Variants in SGMS1 observed in about 807,000 individuals in gnomAD.
SGMS1 encodes the protein sphingomyelin synthase 1.
A neutral mutation model predicts 46.2 loss-of-function variants in SGMS1; 13 were observed. The ratio of observed to expected loss-of-function variants is 0.28; its 90% CI spans 0.18 to 0.45. SGMS1 has a LOEUF of 0.45. SGMS1 is among the 20% of genes least tolerant of loss of function. The pLI is 1.00. For missense variants in SGMS1, 324 were observed against 519.9 expected, an observed-to-expected ratio of 0.62 and a Z score of 3.66; for synonymous variants, 203 against 187.8, an observed-to-expected ratio of 1.08 and a Z score of -0.66.
At chr10:50,583,730 A>G (rs1424125625) in intron 2 of SGMS1, among the ~76,000 whole-genome samples, 1 of 152,182 alleles carries the variant, frequency 6.6e-6, no homozygotes, top group Non-Finnish European at 1.5e-5. Context: ...TTTTCACTTG[A>G]GACAGTTTGA....
At chr10:50,450,868 A>G (rs1431974451) in intron 5 of SGMS1, among the ~76,000 whole-genome samples, 2 of 151,936 alleles carry the variant, frequency 1.3e-5, no homozygotes, top group African/African-American at 2.4e-5. Flanking sequence ...TATCATTGAT[A>G]TAATATTCAG....
At chr10:50,496,335 A>G (rs1837614920) in intron 3 of SGMS1, among the ~76,000 whole-genome samples, 1 of 152,210 alleles carries the variant, frequency 6.6e-6, no homozygotes, top group African/African-American at 2.4e-5. Context: ...CTGCTGGTCA[A>G]TGGCTGTTCT....
intron 1 of SGMS1, among the ~76,000 whole-genome samples, chr10:50,601,899 T>C (rs953450638): frequency 2.6e-5 from 4 of 152,264 alleles, no homozygotes; most frequent in African/African-American, 4.8e-5. Context: ...GGTAATTTTA[T>C]ATGCGATATT....
Position 50,307,397 on chromosome 10 carries a change from TC to T in SGMS1, c.1063-77del. Reference sequence around the variant, plus strand: ...GTTCAAATACTTGCCACGCTAAAATTCCCAAAGGACTCCATACCTGCCCTGC... The same window carrying T: ...GTTCAAATACTTGCCACGCTAAAATTCCAAAGGACTCCATACCTGCCCTGC... On this transcript the variant is annotated intron_variant, in intron 10 of 10. Coordinates refer to ENST00000361781, the MANE Select transcript of SGMS1 (RefSeq NM_147156.4). This position sits in a 1 kb window ranked among gnomAD's most constrained non-coding sequence, Gnocchi z 4.2. 1 of 1,401,966 alleles carries T rather than the reference TC, an allele frequency of 7.1e-7. No homozygotes were observed. 86.8% of individuals were successfully genotyped at this position (1,401,966 alleles called of 1,614,324 possible). A position where few individuals can be genotyped will look rare whatever the true frequency, so the allele number is the denominator to read the frequency against.
In SGMS1 at chr10:50,357,532, AT is replaced by A. The variant is rs144927636; in HGVS notation, c.-231-13188del. On this transcript the variant is annotated intron_variant, in intron 6 of 10. Transcript: ENST00000361781. ...CTGCAATGCAACGAGACCTGGGGCA[AT>A]TGCTCAGAAAATCTGAATTCTAACA... is the stretch of plus-strand genomic sequence containing the variant. 4.8e-3 allele frequency among the ~76,000 whole-genome samples: 726 copies of A among 152,284 alleles called. 9 individuals carry two copies. Among genetic ancestry groups the A allele is most frequent in the African/African-American group, 0.016 (680 of 41,552 alleles).
intron 2 of SGMS1, among the ~76,000 whole-genome samples, chr10:50,577,537 C>T (rs1479892110): frequency 2.6e-5 from 4 of 152,204 alleles, no homozygotes; most frequent in African/African-American, 9.6e-5. Flanking sequence ...AACCAGGCAT[C>T]TCTGCAGTAC....
chr10:50,355,144 G>GT (rs1361771511), intron 6 of SGMS1, among the ~76,000 whole-genome samples: 15 of 152,254 alleles, frequency 9.9e-5, no homozygotes, highest in Non-Finnish European at 1.8e-4. Flanking sequence ...ACATGCACAT[G>GT]TATGTTTACT....
intron 1 of SGMS1, among the ~76,000 whole-genome samples, chr10:50,613,118 C>T (rs16906646): frequency 4.6e-5 from 7 of 152,136 alleles, no homozygotes; most frequent in African/African-American, 1.7e-4. Context: ...AAATGAAAAC[C>T]TCATGTGGCT....
intron 2 of SGMS1, among the ~76,000 whole-genome samples, chr10:50,565,317 CAT>C (rs916427354): frequency 4.6e-5 from 7 of 152,124 alleles, no homozygotes; most frequent in Admixed American, 1.3e-4. Flanking sequence ...TACAAAATCA[CAT>C]GTGTCATCTA....
At chr10:50,546,354 C>T (rs1159472020) in intron 2 of SGMS1, among the ~76,000 whole-genome samples, 1 of 152,024 alleles carries the variant, frequency 6.6e-6, no homozygotes, top group African/African-American at 2.4e-5. Flanking sequence ...CCATTTGACC[C>T]AGCCATCCCA....
intron 6 of SGMS1, among the ~76,000 whole-genome samples, chr10:50,365,295 A>ATGTTTT: frequency 6.7e-6 from 1 of 148,174 alleles, no homozygotes; most frequent in East Asian, 2.0e-4. Context: ...AATTTAAAGT[A>ATGTTTT]TGTTTTTGGT....
At chr10:50,508,367 T>C (rs1369056761) in intron 3 of SGMS1, among the ~76,000 whole-genome samples, 1 of 152,152 alleles carries the variant, frequency 6.6e-6, no homozygotes, top group Non-Finnish European at 1.5e-5. Context: ...CAGTCAGACA[T>C]TGACTGAATC....
chr10:50,511,092 A>T (rs1279765983), intron 3 of SGMS1, among the ~76,000 whole-genome samples: 2 of 152,152 alleles, frequency 1.3e-5, no homozygotes, highest in Non-Finnish European at 2.9e-5. Flanking sequence ...TTGCCAGAGA[A>T]GTTCACTTTT....
intron 1 of SGMS1, 156 bp downstream of exon 1, chr10:50,623,541 CTGCCCGCCAG>C: frequency 4.1e-6 from 4 of 979,510 alleles, no homozygotes; most frequent in Non-Finnish European, 4.9e-6. Flanking sequence ...CTCTGGAGGA[CTGCCCGCCAG>C]GTACGCGCGC....
intron 2 of SGMS1, among the ~76,000 whole-genome samples, chr10:50,574,533 C>G (rs1331705808): frequency 6.6e-6 from 1 of 152,152 alleles, no homozygotes; most frequent in Non-Finnish European, 1.5e-5. Context: ...AACCCTTGCA[C>G]ACTACTGGTG....
At chr10:50,600,546 A>G (rs1431011497) in intron 1 of SGMS1, among the ~76,000 whole-genome samples, 1 of 152,234 alleles carries the variant, frequency 6.6e-6, no homozygotes, top group African/African-American at 2.4e-5. Flanking sequence ...ATCACATCCC[A>G]GCTGCCTCTT....
intron 6 of SGMS1, among the ~76,000 whole-genome samples, chr10:50,413,320 C>T (rs1447398183): frequency 1.3e-5 from 2 of 152,110 alleles, no homozygotes; most frequent in Admixed American, 6.5e-5. Flanking sequence ...CTCCAGGAAA[C>T]AAAGCAAATA....
intron 3 of SGMS1, among the ~76,000 whole-genome samples, chr10:50,481,412 A>G (rs1837475842): frequency 1.3e-5 from 2 of 152,164 alleles, no homozygotes; most frequent in East Asian, 3.8e-4. Flanking sequence ...AATATTCTGG[A>G]GTGGACCCCT....
chr10:50,385,392 A>G (rs1179158990), intron 6 of SGMS1, among the ~76,000 whole-genome samples: 1 of 152,212 alleles, frequency 6.6e-6, no homozygotes, highest in African/African-American at 2.4e-5. Flanking sequence ...TCACTCTCCC[A>G]GTTTCTGCCA....
Sources: gnomAD v4.1 joint callset for allele counts (sites outside exome capture counted in the v4.1 genomes callset) on GRCh38, gnomAD v4.1.1 for gene constraint, Gnocchi (gnomAD v3.1) non-coding constraint, MANE v1.5 for transcripts, NCBI Gene and HGNC (gene_info 2026-07-23, HGNC 2026-07-21) for gene names.